EPHA6: variants seen among roughly 807,000 people sequenced by gnomAD.
EPHA6 encodes the protein ephrin type-A receptor 6.
A neutral mutation model predicts 112.0 loss-of-function variants in EPHA6; 50 were observed. The ratio of observed to expected loss-of-function variants is 0.45; its 90% CI spans 0.36 to 0.56. The LOEUF (loss-of-function observed/expected upper bound fraction) is 0.56. EPHA6 is among the 20% of genes least tolerant of loss of function. The pLI is 0.00. For synonymous variants in EPHA6, 529 were observed against 490.7 expected, an observed-to-expected ratio of 1.08 and a Z score of -1.03; for missense variants, 1,280 against 1,417.4, an observed-to-expected ratio of 0.90 and a Z score of 1.56.
At chr3:97,281,359 G>A (rs2080282080) in intron 5 of EPHA6, among the ~76,000 whole-genome samples, 1 of 151,972 alleles carries the variant, frequency 6.6e-6, no homozygotes, top group Admixed American at 6.6e-5. Flanking sequence ...TCAAAGAGAA[G>A]GATGGATCTC....
At chr3:97,098,617 G>GA (rs1304785951) in intron 3 of EPHA6, among the ~76,000 whole-genome samples, 1 of 151,836 alleles carries the variant, frequency 6.6e-6, no homozygotes, top group Non-Finnish European at 1.5e-5. Context: ...AACTTATGAT[G>GA]AAAAAGTAGT....
At chr3:96,945,547 G>A (rs575671803) in intron 2 of EPHA6, among the ~76,000 whole-genome samples, 1 of 152,104 alleles carries the variant, frequency 6.6e-6, no homozygotes, top group Admixed American at 6.5e-5. Context: ...CTTTGGTCAG[G>A]TCACTTAACA....
chr3:96,984,383 C>A (rs531326787), intron 2 of EPHA6, among the ~76,000 whole-genome samples: 10 of 152,284 alleles, frequency 6.6e-5, no homozygotes, highest in South Asian at 4.1e-4. Flanking sequence ...TGCTGAACAG[C>A]AAATGTTGCT....
chr3:97,001,291 A>G (rs922947117), intron 3 of EPHA6, among the ~76,000 whole-genome samples: 3 of 151,924 alleles, frequency 2.0e-5, no homozygotes, highest in South Asian at 2.1e-4. Context: ...ACATAAATAC[A>G]TTCAAATTGT....
chr3:96,906,440 G>C (rs553252922), intron 2 of EPHA6, among the ~76,000 whole-genome samples: 1 of 151,866 alleles, frequency 6.6e-6, no homozygotes, highest in Non-Finnish European at 1.5e-5. Flanking sequence ...CACCTACTCC[G>C]CAATGCATCA....
At chr3:97,352,659 C>T (rs1403573809) in intron 5 of EPHA6, among the ~76,000 whole-genome samples, 1 of 152,126 alleles carries the variant, frequency 6.6e-6, no homozygotes, top group East Asian at 1.9e-4. Flanking sequence ...TTCCAGCTAG[C>T]CCCACAACCA....
chr3:97,311,847 TAAAC>T (rs2081579303), intron 5 of EPHA6, among the ~76,000 whole-genome samples: 1 of 125,068 alleles, frequency 8.0e-6, no homozygotes, highest in African/African-American at 3.9e-5. Context: ...AAAACAATAA[TAAAC>T]AAAACAGCAA....
chr3:97,324,746 G>T (rs1338173254), intron 5 of EPHA6, among the ~76,000 whole-genome samples: 5 of 151,738 alleles, frequency 3.3e-5, no homozygotes, highest in African/African-American at 9.7e-5. Context: ...CACCATGTTG[G>T]TCAGGCTGGT....
At chr3:97,178,469 A>G (rs894230228) in intron 3 of EPHA6, among the ~76,000 whole-genome samples, 3 of 151,976 alleles carry the variant, frequency 2.0e-5, no homozygotes, top group African/African-American at 4.8e-5. Context: ...GTGACTATTC[A>G]TTGCTCATTG....
chr3:97,129,750 G>A (rs966074270), intron 3 of EPHA6, among the ~76,000 whole-genome samples: 1 of 152,078 alleles, frequency 6.6e-6, no homozygotes, highest in East Asian at 1.9e-4. Flanking sequence ...AGCAGGGTTG[G>A]GGAGTTGGTA....
chr3:97,037,307 A>G (rs527399982), intron 3 of EPHA6, among the ~76,000 whole-genome samples: 8 of 152,158 alleles, frequency 5.3e-5, no homozygotes, highest in African/African-American at 1.7e-4. Context: ...GACTTATAAA[A>G]CAGAGGATAA....
At chr3:96,998,484 CTTTAT>C (rs1397656652) in intron 3 of EPHA6, among the ~76,000 whole-genome samples, 1 of 151,602 alleles carries the variant, frequency 6.6e-6, no homozygotes, top group African/African-American at 2.4e-5. Flanking sequence ...TTAAGAATAG[CTTTAT>C]TTTTTCTCTC....
intron 2 of EPHA6, among the ~76,000 whole-genome samples, chr3:96,983,214 T>C (rs1186885887): frequency 6.6e-6 from 1 of 152,216 alleles, no homozygotes; most frequent in East Asian, 1.9e-4. Flanking sequence ...CTATGTTTAG[T>C]GCTTCCTTCA....
chr3:97,222,877 G>A (rs1017106424), intron 3 of EPHA6, among the ~76,000 whole-genome samples: 2 of 152,206 alleles, frequency 1.3e-5, no homozygotes, highest in African/African-American at 4.8e-5. Context: ...AACTAATGCG[G>A]AAAAGGCCCA....
At chr3:97,393,355 A>C (rs1287668178) in intron 5 of EPHA6, among the ~76,000 whole-genome samples, 1 of 151,894 alleles carries the variant, frequency 6.6e-6, no homozygotes, top group Admixed American at 6.6e-5. Flanking sequence ...AATAATAGTC[A>C]GTAGATGTGT....
chr3:97,135,371 G>A (rs2075741024), intron 3 of EPHA6, among the ~76,000 whole-genome samples: 1 of 152,030 alleles, frequency 6.6e-6, no homozygotes, highest in Non-Finnish European at 1.5e-5. Flanking sequence ...CATAGCTCCT[G>A]TTGTTTTTCT....
intron 3 of EPHA6, among the ~76,000 whole-genome samples, chr3:97,066,493 T>C (rs569662079): frequency 6.6e-6 from 1 of 152,288 alleles, no homozygotes; most frequent in Admixed American, 6.5e-5. Flanking sequence ...TTAGGAAAAC[T>C]AGAGAAGAGA....
chr3:97,640,721 G>A (rs368942449), intron 14 of EPHA6, among the ~76,000 whole-genome samples: 45 of 151,934 alleles, frequency 3.0e-4, no homozygotes, highest in South Asian at 1.7e-3. Flanking sequence ...CGGAGGTTGC[G>A]ATGAACTGAG....
chr3:97,589,321 T>C (rs903520948), intron 11 of EPHA6, among the ~76,000 whole-genome samples: 1 of 152,204 alleles, frequency 6.6e-6, no homozygotes, highest in East Asian at 1.9e-4. Context: ...GAAAACTGAT[T>C]ATGCTGTAGG....
Sources: gnomAD v4.1 joint callset for allele counts (sites outside exome capture counted in the v4.1 genomes callset) on GRCh38, gnomAD v4.1.1 for gene constraint, MANE v1.5 for transcripts, NCBI Gene and HGNC (gene_info 2026-07-23, HGNC 2026-07-21) for gene names.